The following KLHL13 variants were observed in gnomAD, a reference collection of about 807,000 sequenced individuals.
The protein encoded by KLHL13 is kelch-like protein 13.
Under a neutral mutation model 37.1 loss-of-function variants are expected in KLHL13, and 10 were observed. The observed-to-expected ratio is 0.27, with a 90% CI of 0.17 to 0.46. The LOEUF (loss-of-function observed/expected upper bound fraction) is 0.46, where lower values mean the gene tolerates loss of function less well. KLHL13 is among the 20% of genes least tolerant of loss of function. KLHL13 has a pLI of 1.00. For synonymous variants in KLHL13, 163 were observed against 181.2 expected, an observed-to-expected ratio of 0.90 and a Z score of 0.81; for missense variants, 360 against 509.3, an observed-to-expected ratio of 0.71 and a Z score of 2.82.
At chrX:117,989,552 T>G (rs1252582839) in intron 1 of KLHL13, among the ~76,000 whole-genome samples, 6 of 110,190 alleles carry the variant, frequency 5.4e-5, no homozygotes, top group Non-Finnish European at 3.8e-5. Flanking sequence ...AGCTACAGAA[T>G]AGCTATATGA....
chrX:118,054,533 G>A (rs1039559753), intron 1 of KLHL13, among the ~76,000 whole-genome samples: 5 of 111,660 alleles, frequency 4.5e-5, no homozygotes, highest in Admixed American at 3.8e-4. Context: ...TAAAGTCCGT[G>A]CTCAAACACT....
upstream of KLHL13, among the ~76,000 whole-genome samples, chrX:117,977,157 A>T: frequency 8.9e-6 from 1 of 112,052 alleles, no homozygotes; most frequent in African/African-American, 3.2e-5. Context: ...CTAAAGAAAC[A>T]GGATTACAAA....
intron 1 of KLHL13, among the ~76,000 whole-genome samples, chrX:117,966,128 G>A (rs2053424290): frequency 8.9e-6 from 1 of 111,824 alleles, no homozygotes; most frequent in Admixed American, 9.5e-5. Context: ...CCTGTTTGCA[G>A]ACAACATGAT....
chrX:118,020,661 T>C (rs2054195231), intron 1 of KLHL13, among the ~76,000 whole-genome samples: 1 of 110,899 alleles, frequency 9.0e-6, no homozygotes, highest in Non-Finnish European at 1.9e-5. Context: ...CAAAGGATTA[T>C]AGATCATGCT....
At chrX:118,037,664 C>T (rs188338017) in intron 1 of KLHL13, among the ~76,000 whole-genome samples, 1,254 of 110,865 alleles carry the variant, frequency 0.011, 20 homozygotes, top group African/African-American at 0.039. Flanking sequence ...TTAGTGGGTG[C>T]AGTGCACCAG....
exon 3 of KLHL13, chrX:117,920,352 G>A: frequency 8.3e-7 from 1 of 1,206,259 alleles, no homozygotes; most frequent in Non-Finnish European, 1.1e-6. Context: ...AATCCTTCAA[G>A]TCGAAGCTGG....
chrX:118,002,590 T>C (rs992437418), intron 1 of KLHL13, among the ~76,000 whole-genome samples: 1 of 97,240 alleles, frequency 1.0e-5, no homozygotes, highest in African/African-American at 4.0e-5. Flanking sequence ...TGAAACTCTG[T>C]CTCGAAAATA....
At chrX:117,917,654 C>CT in intron 4 of KLHL13, among the ~76,000 whole-genome samples, 1 of 111,720 alleles carries the variant, frequency 9.0e-6, no homozygotes, top group Middle Eastern at 4.7e-3. Flanking sequence ...ATTACTATAA[C>CT]TTTTTTGTAT....
At chrX:117,921,495 T>C (rs1266756611) in intron 2 of KLHL13, among the ~76,000 whole-genome samples, 1 of 111,762 alleles carries the variant, frequency 8.9e-6, no homozygotes, top group African/African-American at 3.2e-5. Flanking sequence ...TTTGGCAAGA[T>C]TGAGTCTGTA....
Position 117,998,913 on chromosome X carries a change from A to G in KLHL13, c.-55-53338T>C, listed in dbSNP as rs776009157. Among the ~76,000 whole-genome samples, 271 of 110,314 alleles carry G rather than the reference A, an allele frequency of 2.5e-3. 3 individuals carry two copies. Among genetic ancestry groups the G allele is most frequent in the African/African-American group, 8.7e-3 (266 of 30,504 alleles). The stretch of plus-strand genomic sequence containing the variant: ...ATATAACAACTATATAAATATATAA[A>G]TTTTATATAAACAACTATATGAACA... On this transcript the variant is annotated intron_variant, in intron 1 of 6. Transcript: ENST00000371882.
At chrX:117,932,575 A>G (rs907465599) in intron 2 of KLHL13, among the ~76,000 whole-genome samples, 2 of 112,129 alleles carry the variant, frequency 1.8e-5, no homozygotes, top group African/African-American at 6.5e-5. Context: ...TCACATTTAT[A>G]TATAGATGTA....
At position 118,104,046 on chromosome X, in the gene KLHL13, A is replaced by AC. The variant is rs1167282497; in HGVS notation, c.-56+12461dup. On this transcript the variant is annotated intron_variant, in intron 1 of 6. Transcript: ENST00000371882. ...GGCAACATACCGAGGCCTCATTTCC[A>AC]CTAAAAAAAAAAAAAAAAAAAAAAA... Among the ~76,000 whole-genome samples the AC allele has an allele frequency of 5.0e-4, 38 of 76,318 alleles. 1 individual carries two copies. The highest frequency in any genetic ancestry group is 2.2e-3 in the African/African-American group (37 of 17,112). The allele number at this position is 76,318 out of a possible 115,157, so 66.3% of individuals were successfully genotyped here. A position where few individuals can be genotyped will look rare whatever the true frequency, so the allele number is the denominator to read the frequency against.
intron 1 of KLHL13, among the ~76,000 whole-genome samples, chrX:117,993,702 C>G (rs184486896): frequency 3.7e-3 from 410 of 109,461 alleles, no homozygotes; most frequent in Non-Finnish European, 6.8e-3. Flanking sequence ...GCAAAAAGGA[C>G]CACAGTATAT....
intron 1 of KLHL13, among the ~76,000 whole-genome samples, chrX:118,069,362 G>A (rs1306067497): frequency 9.6e-6 from 1 of 104,453 alleles, no homozygotes; most frequent in African/African-American, 3.5e-5. Context: ...ACCCTGTGTA[G>A]GCCCAGGCTG....
At chrX:117,920,097 C>G (rs780280428) in intron 3 of KLHL13, 141 bp downstream of exon 4, 2 of 562,538 alleles carry the variant, frequency 3.6e-6, no homozygotes, top group Non-Finnish European at 5.5e-6. Context: ...ACAGCACCAC[C>G]GAAAACCATA....
chrX:118,034,963 C>A (rs2054416348), intron 1 of KLHL13, among the ~76,000 whole-genome samples: 1 of 91,221 alleles, frequency 1.1e-5, no homozygotes, highest in Admixed American at 1.2e-4. Flanking sequence ...ACTACAAACA[C>A]CTCTACGCAA....
In KLHL13 at chrX:118,071,199, T is replaced by A. The variant is rs750591545; in HGVS notation, c.-56+45309A>T. Among the ~76,000 whole-genome samples, 4 of 111,749 alleles carry A rather than the reference T, an allele frequency of 3.6e-5. No homozygotes were observed. In the South Asian group the frequency reaches 1.5e-3, roughly 42 times the overall value. ...GGTTCCAAGTCTTTGCTATTGTGAATAATGCCGCAATAAACATACGTGTGC... is the reference window on the plus strand; with the variant it reads ...GGTTCCAAGTCTTTGCTATTGTGAAAAATGCCGCAATAAACATACGTGTGC... On this transcript the variant is annotated intron_variant, in intron 1 of 6. Transcript: ENST00000371882.
At chrX:118,003,569 T>A (rs1178815631) in intron 1 of KLHL13, among the ~76,000 whole-genome samples, 1 of 110,969 alleles carries the variant, frequency 9.0e-6, no homozygotes, top group Non-Finnish European at 1.9e-5. Flanking sequence ...TAGGCAAAAA[T>A]CAAACCAGTA....
chrX:117,946,355 T>G (rs1284373581), intron 1 of KLHL13: 2 of 111,978 alleles, frequency 1.8e-5, no homozygotes, highest in Non-Finnish European at 3.8e-5. Flanking sequence ...ATTGCAGCAA[T>G]AGTATTTTCA....
Sources: gnomAD v4.1 joint callset for allele counts (sites outside exome capture counted in the v4.1 genomes callset) on GRCh38, gnomAD v4.1.1 for gene constraint, MANE v1.5 for transcripts, NCBI Gene and HGNC (gene_info 2026-07-23, HGNC 2026-07-21) for gene names.